The following PGAM5 variants were observed in gnomAD, a reference collection of about 807,000 sequenced individuals.
The protein encoded by PGAM5 is PGAM family member 5, mitochondrial serine/threonine protein phosphatase.
PGAM5 carries 25 observed loss-of-function variants against 30.6 expected under a neutral mutation model. That is an observed-to-expected ratio of 0.82 (90% CI 0.60 to 1.14). The LOEUF (loss-of-function observed/expected upper bound fraction) is 1.14. PGAM5 is among the 50% of genes most tolerant of loss of function. The pLI, the probability that PGAM5 is intolerant of heterozygous loss-of-function variation, is 0.00. For missense variants in PGAM5, 384 were observed against 408.5 expected (o/e 0.94, Z 0.52); for synonymous variants, 201 against 179.1 (o/e 1.12, Z -0.98).
chr12:132,711,075 C>T lies in PGAM5; in HGVS notation c.191+8C>T, dbSNP rs1238269244. On this transcript the variant is annotated splice_region_variant and intron_variant, in intron 1 of 5. Transcript: ENST00000498926. ...GGACCCCAACTGGGACAGGTGCGCGCGGGGCTGTTTGGGGCCGGGGTCGGG... is the reference window on the plus strand; with the variant it reads ...GGACCCCAACTGGGACAGGTGCGCGTGGGGCTGTTTGGGGCCGGGGTCGGG... The T allele has an allele frequency of 6.6e-6, 8 of 1,208,644 alleles. No homozygotes were observed. In the East Asian group the frequency reaches 1.0e-4, roughly 15 times the overall value. 74.9% of individuals were successfully genotyped at this position (1,208,644 alleles called of 1,614,324 possible).
rs1005294891 is a variant in PGAM5, at chr12:132,710,901, C to T, written c.25C>T (p.Leu9=). The T allele has an allele frequency of 2.0e-5, 23 of 1,143,996 alleles. No homozygotes were observed. Among genetic ancestry groups the T allele is most frequent in the Non-Finnish European group, 4.3e-6 (4 of 933,238 alleles). 70.9% of individuals were successfully genotyped at this position (1,143,996 alleles called of 1,614,324 possible). ...CATGGCGTTCCGGCAGGCGCTGCAG[C>T]TGGCGGCCTGCGGGCTGGCCGGGGG... The part of the protein sequence containing the change: MAFRQALQ[L]AACGLAGGSA... The change falls in exon 1 of 6, where the codon CTG becomes TTG. Residue 9 remains leucine (L), a synonymous_variant. Coordinates refer to ENST00000498926, the MANE Select transcript of PGAM5 (RefSeq NM_001170543.2).
Position 132,712,248 on chromosome 12 carries a change from C to T in PGAM5, c.191+1181C>T, listed in dbSNP as rs527273547. On this transcript the variant is annotated intron_variant, in intron 1 of 5. Coordinates refer to ENST00000498926, the MANE Select transcript of PGAM5 (RefSeq NM_001170543.2). ...TTCATTGAGATTTCCTCAGCTTTTACCTGCTGTTCTGTTCTAGGGTCCCAC... is the reference window on the plus strand; with the variant it reads ...TTCATTGAGATTTCCTCAGCTTTTATCTGCTGTTCTGTTCTAGGGTCCCAC... Among the ~76,000 whole-genome samples, 9 of 152,082 alleles carry T rather than the reference C, an allele frequency of 5.9e-5. No individual in the cohort carries two copies. In the East Asian group the frequency reaches 1.2e-3, roughly 20 times the overall value.
intron 5 of PGAM5, among the ~76,000 whole-genome samples, chr12:132,720,404 T>C (rs2043631635): frequency 6.6e-6 from 1 of 151,164 alleles, no homozygotes. Context: ...GCCTCCCGGG[T>C]TCACGCCATT....
chr12:132,717,378 G>T (rs113461185), intron 2 of PGAM5, 61 bp from the exon 3 acceptor site: 2 of 1,556,422 alleles, frequency 1.3e-6, no homozygotes, highest in African/African-American at 1.4e-5. Context: ...GCGGAGGAGG[G>T]GGTGTTTGAG....
intron 1 of PGAM5, among the ~76,000 whole-genome samples, chr12:132,712,328 A>C (rs2043531600): frequency 6.6e-6 from 1 of 152,214 alleles, no homozygotes; most frequent in South Asian, 2.1e-4. Context: ...ACAATTTCTC[A>C]GACTTGTTTT....
intron 5 of PGAM5, 25 bp from the exon 6 acceptor site, chr12:132,720,649 GCTCT>G: frequency 6.5e-7 from 1 of 1,528,504 alleles, no homozygotes; most frequent in South Asian, 1.2e-5. Context: ...GCTCTAACGT[GCTCT>G]TTCTCTCTCT....
rs964387349 is a variant in PGAM5 at position 132,717,550 on chromosome 12, G to A, written c.482G>A (p.Ser161Asn). Reference sequence around the variant, plus strand: ...GCCATAGAGACCACCGATATCATCAGCCGGCACCTGCCAGGTGAGTGCTGC... The same window carrying A: ...GCCATAGAGACCACCGATATCATCAACCGGCACCTGCCAGGTGAGTGCTGC... The part of the protein sequence containing the change: ...TRAIETTDII[S>N]RHLPGVCKVS... The change falls in exon 3 of 6, where the codon AGC becomes AAC. Residue 161 changes from serine to asparagine, a missense_variant. Transcript: ENST00000498926. 3.7e-6 allele frequency: 6 copies of A among 1,610,532 alleles called. No homozygotes were observed. In the Admixed American group the frequency reaches 8.3e-5, roughly 22 times the overall value.
At chr12:132,713,586 T>C (rs1010981665) in intron 1 of PGAM5, among the ~76,000 whole-genome samples, 4 of 152,214 alleles carry the variant, frequency 2.6e-5, no homozygotes, top group Non-Finnish European at 4.4e-5. Context: ...CACCGTGCCC[T>C]TCCACAGCTT....
At chr12:132,711,194 C>T in intron 1 of PGAM5, 127 bp downstream of exon 1, 4 of 759,618 alleles carry the variant, frequency 5.3e-6, no homozygotes, top group Non-Finnish European at 6.9e-6. Context: ...CGTCTGCTTT[C>T]CCCAGCGGAG....
At chr12:132,719,384 G>C (rs977671827) in intron 5 of PGAM5, among the ~76,000 whole-genome samples, 1 of 152,206 alleles carries the variant, frequency 6.6e-6, no homozygotes, top group African/African-American at 2.4e-5. Context: ...GCAGCTCCCA[G>C]AAAGTCGAGG....
Position 132,718,045 on chromosome 12 carries a change from C to T in PGAM5, c.644C>T (p.Ala215Val), listed in dbSNP as rs1593120680. 6.2e-7 allele frequency: 1 copy of T among 1,612,852 alleles called. No individual in the cohort carries two copies. The highest frequency in any genetic ancestry group is 8.5e-7 in the Non-Finnish European group (1 of 1,179,984). ...EAAFRNYIHR[A>V]DARQEEDSYE... ...GCCTTCCGGAACTACATCCACCGCG[C>T]AGATGCCAGGCAGGAGGAGGACAGT... The change falls in exon 5 of 6, where the codon GCA (alanine) becomes GTA (valine). Residue 215 changes from alanine to valine, a missense_variant. Transcript: ENST00000498926.
In PGAM5 at chr12:132,715,003, T is replaced by G; in HGVS notation, c.337T>G (p.Ser113Ala). ...GCATTCCCAGTACCACGTGGATGGC[T>G]CCCTGGAGAAGGACCGCACTCTGAC... is the stretch of plus-strand genomic sequence containing the variant. ...IRHSQYHVDG[S>A]LEKDRTLTPL... The change falls in exon 2 of 6, where the codon TCC becomes GCC. Residue 113 changes from serine (S) to alanine (A), a missense_variant. Ser to Ala is a moderately conservative substitution (Grantham distance 99, BLOSUM62 1). Coordinates refer to ENST00000498926, the MANE Select transcript of PGAM5 (RefSeq NM_001170543.2). 1 of 1,613,032 alleles carries G rather than the reference T, an allele frequency of 6.2e-7. No individual in the cohort carries two copies. Among genetic ancestry groups the G allele is most frequent in the Non-Finnish European group, 8.5e-7 (1 of 1,179,888 alleles).
chr12:132,711,982 T>G (rs1462671541), intron 1 of PGAM5, among the ~76,000 whole-genome samples: 1 of 152,210 alleles, frequency 6.6e-6, no homozygotes, highest in African/African-American at 2.4e-5. Context: ...AGGATGGTTT[T>G]CCCAGTCCTA....
intron 4 of PGAM5, 62 bp from the exon 5 acceptor site, chr12:132,717,925 T>C: frequency 1.2e-6 from 2 of 1,606,700 alleles, no homozygotes; most frequent in Non-Finnish European, 8.5e-7. Context: ...ATGGGGTCTG[T>C]CCTCCTGACA....
intron 1 of PGAM5, among the ~76,000 whole-genome samples, chr12:132,713,868 T>C (rs2043546819): frequency 6.6e-6 from 1 of 151,628 alleles, no homozygotes; most frequent in African/African-American, 2.4e-5. Context: ...GGGGTCCCCC[T>C]GTGTTGCCCA....
intron 1 of PGAM5, 147 bp downstream of exon 1, chr12:132,711,214 T>C (rs1435810818): frequency 3.3e-6 from 2 of 600,014 alleles, no homozygotes; most frequent in Admixed American, 5.0e-5. Context: ...GGAGCCGCTT[T>C]CCGGGGCCGC....
intron 1 of PGAM5, among the ~76,000 whole-genome samples, chr12:132,713,579 C>T (rs1399838191): frequency 2.6e-5 from 4 of 152,212 alleles, no homozygotes; most frequent in African/African-American, 9.7e-5. Flanking sequence ...GAGTCACCAC[C>T]GTGCCCTTCC....
intron 1 of PGAM5, 81 bp downstream of exon 1, chr12:132,711,148 G>A (rs2136077229): frequency 3.8e-6 from 4 of 1,053,536 alleles, no homozygotes; most frequent in Non-Finnish European, 3.5e-6. Context: ...TCGGGACCAG[G>A]TTTAAGGTTG....
rs771664157 is a variant in PGAM5, at chr12:132,721,223, G to A, written c.*395G>A. 1.8e-5 allele frequency: 3 copies of A among 165,110 alleles called. No homozygotes were observed. Among genetic ancestry groups the A allele is most frequent in the Non-Finnish European group, 3.9e-5 (3 of 76,742 alleles). The allele number at this position is 165,110 out of a possible 1,614,324, so 10.2% of individuals were successfully genotyped here. A position where few individuals can be genotyped will look rare whatever the true frequency, so the allele number is the denominator to read the frequency against. The stretch of plus-strand genomic sequence containing the variant: ...TGGATGAGGAGGGCACCCAGGTTCT[G>A]TTCACAACTCACTTCACTTCATACA... On this transcript the variant is annotated 3_prime_UTR_variant, in exon 6 of 6. Transcript: ENST00000498926.
Sources: allele counts gnomAD v4.1 joint callset (sites outside exome capture counted in the v4.1 genomes callset), GRCh38; gene constraint gnomAD v4.1.1; transcripts MANE v1.5; gene names NCBI Gene and HGNC (gene_info 2026-07-23, HGNC 2026-07-21).